CPA6: variants seen among roughly 807,000 people sequenced by gnomAD.
CPA6 encodes carboxypeptidase B.
In CPA6, 58 loss-of-function variants were observed where a neutral mutation model predicts 63.3. The ratio of observed to expected loss-of-function variants is 0.92; its 90% CI spans 0.74 to 1.14. The LOEUF (loss-of-function observed/expected upper bound fraction) is 1.14. Among genes scored for constraint, CPA6 ranks in the 50% most tolerant of loss-of-function variants. The pLI is 0.00. For synonymous variants in CPA6, 185 were observed against 179.0 expected (o/e 1.03, Z -0.27); for missense variants, 565 against 526.6 (o/e 1.07, Z -0.71).
At chr8:67,588,158 T>C (rs945220349) in intron 2 of CPA6, among the ~76,000 whole-genome samples, 3 of 152,024 alleles carry the variant, frequency 2.0e-5, no homozygotes, top group African/African-American at 4.8e-5. Context: ...CCTGAGGAGA[T>C]TGGTTGAAGC....
chr8:67,605,832 C>T (rs1814622084), intron 2 of CPA6, among the ~76,000 whole-genome samples: 2 of 152,022 alleles, frequency 1.3e-5, no homozygotes, highest in Non-Finnish European at 2.9e-5. Flanking sequence ...GAAGACCAGG[C>T]CTTGTTCAGT....
chr8:67,679,727 A>G (rs1283965117), intron 1 of CPA6, among the ~76,000 whole-genome samples: 4 of 152,204 alleles, frequency 2.6e-5, no homozygotes, highest in Non-Finnish European at 5.9e-5. Context: ...CAAGTTAAAC[A>G]GCATGCTATT....
intron 1 of CPA6, among the ~76,000 whole-genome samples, chr8:67,725,655 GGACCACA>G (rs1447002267): frequency 6.6e-6 from 1 of 152,100 alleles, no homozygotes; most frequent in Non-Finnish European, 1.5e-5. Context: ...AGAGTAGCTA[GGACCACA>G]GACTTGTGCC....
At chr8:67,659,606 ATATAT>A (rs1816064187) in intron 1 of CPA6, among the ~76,000 whole-genome samples, 1 of 152,180 alleles carries the variant, frequency 6.6e-6, no homozygotes, top group Admixed American at 6.5e-5. Flanking sequence ...ATTATTGAAA[ATATAT>A]TATATGTTGG....
chr8:67,648,610 A>G (rs1056168014), intron 1 of CPA6, among the ~76,000 whole-genome samples: 2 of 152,204 alleles, frequency 1.3e-5, no homozygotes, highest in Non-Finnish European at 2.9e-5. Flanking sequence ...GGTCTGCCAC[A>G]TCGGTGAGAA....
chr8:67,696,617 G>A (rs1816917133), intron 1 of CPA6, among the ~76,000 whole-genome samples: 1 of 151,984 alleles, frequency 6.6e-6, no homozygotes, highest in Non-Finnish European at 1.5e-5. Context: ...CAACACAAAT[G>A]TCCATCATAT....
chr8:67,581,762 A>G lies in CPA6; in HGVS notation c.192+42414T>C, dbSNP rs377586843. Among the ~76,000 whole-genome samples the G allele has an allele frequency of 1.8e-4, 28 of 152,302 alleles. No homozygotes were observed. In the East Asian group the frequency reaches 3.9e-3, roughly 21 times the overall value. ...AAGATTCAGAATAGGACTTTACTCAATGGTCAAAATATTATGCTTTGTTGT... is the reference window on the plus strand; with the variant it reads ...AAGATTCAGAATAGGACTTTACTCAGTGGTCAAAATATTATGCTTTGTTGT... On this transcript the variant is annotated intron_variant, in intron 2 of 10. Coordinates refer to ENST00000297770, the MANE Select transcript of CPA6 (RefSeq NM_020361.5).
intron 8 of CPA6, among the ~76,000 whole-genome samples, chr8:67,474,298 T>C (rs143003550): frequency 0.014 from 2,086 of 152,232 alleles, 57 homozygotes; most frequent in African/African-American, 0.046. Flanking sequence ...CTTGGCTCAC[T>C]GCCACCTCCA....
At chr8:67,673,625 C>CTCA in intron 1 of CPA6, among the ~76,000 whole-genome samples, 1 of 151,458 alleles carries the variant, frequency 6.6e-6, no homozygotes, top group East Asian at 1.9e-4. Context: ...ATCTCCTGAC[C>CTCA]TCATGATCCA....
At position 67,673,488 on chromosome 8, in the gene CPA6, G is replaced by A. The variant is rs529212543; in HGVS notation, c.117-49237C>T. On this transcript the variant is annotated intron_variant, in intron 1 of 10. Coordinates refer to ENST00000297770, the MANE Select transcript of CPA6 (RefSeq NM_020361.5). ...AAGCTCCGCCTCCCGGGTTCATGCC[G>A]TTCTCCTGCCTCAGCCTCCTGAGTA... Among the ~76,000 whole-genome samples, 67 of 150,032 alleles carry A rather than the reference G, an allele frequency of 4.5e-4. 1 individual carries two copies. The highest frequency in any genetic ancestry group is 4.1e-4 in the African/African-American group (17 of 41,038).
intron 8 of CPA6, among the ~76,000 whole-genome samples, chr8:67,475,881 C>CTTTTCTTTCTTT (rs1491556290): frequency 1.2e-4 from 5 of 43,098 alleles, no homozygotes; most frequent in African/African-American, 4.7e-4. Flanking sequence ...CTTTCTTTCT[C>CTTTTCTTTCTTT]CTTTCTTTCT....
intron 1 of CPA6, among the ~76,000 whole-genome samples, chr8:67,721,751 C>T (rs996785097): frequency 7.2e-5 from 11 of 152,120 alleles, no homozygotes; most frequent in Non-Finnish European, 8.8e-5. Flanking sequence ...ACAAATTTTG[C>T]CTGCTGTACA....
chr8:67,711,006 C>G (rs1563403141), intron 1 of CPA6, among the ~76,000 whole-genome samples: 1 of 152,284 alleles, frequency 6.6e-6, no homozygotes, highest in East Asian at 1.9e-4. Context: ...CACAGAGATT[C>G]CCATCTTTGC....
At chr8:67,663,842 C>T (rs1461668373) in intron 1 of CPA6, among the ~76,000 whole-genome samples, 1 of 152,150 alleles carries the variant, frequency 6.6e-6, no homozygotes, top group Non-Finnish European at 1.5e-5. Context: ...TTATGGACAA[C>T]ATTGAAAGCC....
At chr8:67,638,672 T>C (rs2128989513) in intron 1 of CPA6, among the ~76,000 whole-genome samples, 1 of 151,710 alleles carries the variant, frequency 6.6e-6, no homozygotes, top group Non-Finnish European at 1.5e-5. Context: ...CAGCGTATGC[T>C]GAGGTGCAAA....
intron 8 of CPA6, among the ~76,000 whole-genome samples, chr8:67,447,357 A>G (rs1356108679): frequency 6.6e-6 from 1 of 152,176 alleles, no homozygotes; most frequent in Non-Finnish European, 1.5e-5. Flanking sequence ...CAATACTACA[A>G]TAAAGAAAGT....
chr8:67,658,613 T>C (rs1023940422), intron 1 of CPA6, among the ~76,000 whole-genome samples: 2 of 152,194 alleles, frequency 1.3e-5, no homozygotes, highest in African/African-American at 4.8e-5. Flanking sequence ...CTCTTCCTAG[T>C]TCCTGCTCAC....
chr8:67,634,837 T>C (rs1436556159), intron 1 of CPA6, among the ~76,000 whole-genome samples: 5 of 151,670 alleles, frequency 3.3e-5, no homozygotes, highest in African/African-American at 9.8e-5. Flanking sequence ...ATACCTAATT[T>C]ATAGTCTCTC....
chr8:67,472,207 A>C (rs1035900420), intron 8 of CPA6, among the ~76,000 whole-genome samples: 3 of 152,076 alleles, frequency 2.0e-5, no homozygotes, highest in Non-Finnish European at 4.4e-5. Flanking sequence ...GGGACAATAA[A>C]ATTATTGGGC....
Sources: gnomAD v4.1 joint callset for allele counts (sites outside exome capture counted in the v4.1 genomes callset) on GRCh38, gnomAD v4.1.1 for gene constraint, MANE v1.5 for transcripts, NCBI Gene and HGNC (gene_info 2026-07-23, HGNC 2026-07-21) for gene names.